C2orf69: variants seen among roughly 807,000 people sequenced by gnomAD.
The protein encoded by C2orf69 is mitochondrial protein C2orf69.
Under a neutral mutation model 29.5 loss-of-function variants are expected in C2orf69, and 19 were observed. The ratio of observed to expected loss-of-function variants is 0.65; its 90% CI spans 0.45 to 0.95. The LOEUF (loss-of-function observed/expected upper bound fraction) is 0.95, where lower values mean the gene tolerates loss of function less well. Among genes scored for constraint, C2orf69 ranks in the 40% least tolerant of loss-of-function variants. The pLI is 0.00. For missense variants in C2orf69, 416 were observed against 482.1 expected, an observed-to-expected ratio of 0.86 and a Z score of 1.28; for synonymous variants, 194 against 180.0, an observed-to-expected ratio of 1.08 and a Z score of -0.62.
intron 1 of C2orf69, among the ~76,000 whole-genome samples, chr2:199,914,542 C>G (rs570599853): frequency 6.6e-6 from 1 of 152,134 alleles, no homozygotes; most frequent in African/African-American, 2.4e-5. Context: ...CACGTCTGCT[C>G]AAAACTGTGC....
In C2orf69 at chr2:199,911,662, C is replaced by A. The variant is rs759538791; in HGVS notation, c.224C>A (p.Ala75Glu). 15 of 1,548,344 alleles carry A rather than the reference C, an allele frequency of 9.7e-6. No homozygotes were observed. The highest frequency in any genetic ancestry group is 1.2e-5 in the Non-Finnish European group (14 of 1,146,638). The change falls in exon 1 of 2, where the codon GCG becomes GAG. Residue 75 changes from alanine to glutamate, a missense_variant. Physicochemically the swap from Ala to Glu is moderately radical, Grantham distance 107 (BLOSUM62 -1). Around this residue, in one of 4 missense-constraint regions of C2orf69, gnomAD observed 175 missense variants for 139.9 expected, o/e 1.25. Coordinates refer to ENST00000319974, the MANE Select transcript of C2orf69 (RefSeq NM_153689.6). ...PQRSNELLLL[A>E]AAGEGLERQD... ...CGCAGCAACGAATTGCTCCTGTTGG[C>A]GGCGGCCGGGGAGGGACTGGAGCGG...
intron 1 of C2orf69, among the ~76,000 whole-genome samples, chr2:199,920,007 A>C (rs749209174): frequency 1.3e-5 from 2 of 152,196 alleles, no homozygotes; most frequent in African/African-American, 2.4e-5. Context: ...AGTAGTAGGC[A>C]TTCTTTAAAC....
rs1032345150 is a variant in C2orf69, at chr2:199,925,949, A to G, written c.*63A>G. 9.3e-7 allele frequency: 1 copy of G among 1,077,524 alleles called. No homozygotes were observed. Among genetic ancestry groups the G allele is most frequent in the Non-Finnish European group, 1.3e-6 (1 of 742,656 alleles). 66.7% of individuals were successfully genotyped at this position (1,077,524 alleles called of 1,614,324 possible). A position where few individuals can be genotyped will look rare whatever the true frequency, so the allele number is the denominator to read the frequency against. On this transcript the variant is annotated 3_prime_UTR_variant, in exon 2 of 2. Transcript: ENST00000319974. The surrounding 1 kb of genome is among the most constrained non-coding windows in gnomAD (Gnocchi z 4.9). ...ACATAAGCACTTTTGAGTGTTATAA[A>G]TTCAGATAATGGGATGTAATTCATA... is the stretch of plus-strand genomic sequence containing the variant.
chr2:199,913,834 T>C (rs1221885254), intron 1 of C2orf69, among the ~76,000 whole-genome samples: 2 of 152,064 alleles, frequency 1.3e-5, no homozygotes. Context: ...ATTACATTTA[T>C]TGAGCACCTC....
rs370430093 is a variant in C2orf69, at chr2:199,922,031, TTATATA to T, written c.334-3013_334-3008del. 2.9e-4 allele frequency among the ~76,000 whole-genome samples: 23 copies of T among 78,970 alleles called. 3 individuals carry two copies. The highest frequency in any genetic ancestry group is 8.2e-4 in the Admixed American group (4 of 4,866). 51.8% of individuals were successfully genotyped at this position (78,970 alleles called of 152,430 possible). On this transcript the variant is annotated intron_variant, in intron 1 of 1. Coordinates refer to ENST00000319974, the MANE Select transcript of C2orf69 (RefSeq NM_153689.6). ...TTCCCCAAGGCTGCCACTGTTATTT[TTATATA>T]TATATATATATATATATGCTTCCAG... is the stretch of plus-strand genomic sequence containing the variant.
In C2orf69 at chr2:199,925,441, G is replaced by A; in HGVS notation, c.713G>A (p.Cys238Tyr). ...NGCQGEKVRT[C>Y]EKSDESAMSF... ...TGCCAGGGAGAAAAAGTGAGGACCT[G>A]TGAAAAATCTGATGAGTCTGCCATG... Residue 238 changes from cysteine to tyrosine, a missense_variant, in exon 2 of 2, where the codon TGT becomes TAT. Physicochemically the swap from Cys to Tyr is radical, Grantham distance 194 (BLOSUM62 -2). Coordinates refer to ENST00000319974, the MANE Select transcript of C2orf69 (RefSeq NM_153689.6). The surrounding 1 kb of genome is among the most constrained non-coding windows in gnomAD (Gnocchi z 4.9). The A allele has an allele frequency of 1.9e-6, 3 of 1,613,812 alleles. No individual in the cohort carries two copies. Among genetic ancestry groups the A allele is most frequent in the Non-Finnish European group, 2.5e-6 (3 of 1,179,858 alleles).
At chr2:199,913,446 T>A (rs1478721829) in intron 1 of C2orf69, among the ~76,000 whole-genome samples, 1 of 102,090 alleles carries the variant, frequency 9.8e-6, no homozygotes, top group Non-Finnish European at 1.8e-5. Context: ...TTATATAAAA[T>A]ATATATTCTA....
chr2:199,915,898 C>G (rs142544658), intron 1 of C2orf69, among the ~76,000 whole-genome samples: 29 of 152,264 alleles, frequency 1.9e-4, no homozygotes, highest in African/African-American at 6.7e-4. Context: ...TTTAAGTCCT[C>G]TTAATTCCTA....
rs1449161394 is a variant in C2orf69, at chr2:199,926,055, T to C, written c.*169T>C. 1.8e-6 allele frequency: 1 copy of C among 560,374 alleles called. No homozygotes were observed. The highest frequency in any genetic ancestry group is 3.2e-6 in the Non-Finnish European group (1 of 316,174). 34.7% of individuals were successfully genotyped at this position (560,374 alleles called of 1,614,324 possible). On this transcript the variant is annotated 3_prime_UTR_variant, in exon 2 of 2. Coordinates refer to ENST00000319974, the MANE Select transcript of C2orf69 (RefSeq NM_153689.6). ...GTAATGTGCAATAGTATTTTTTGCT[T>C]GTGAATGTGAGCAGTTATTAATTTG... is the stretch of plus-strand genomic sequence containing the variant.
Position 199,925,039 on chromosome 2 carries a change from A to T in C2orf69, c.334-23A>T, listed in dbSNP as rs759186973. 2.2e-6 allele frequency: 3 copies of T among 1,383,448 alleles called. No individual in the cohort carries two copies. In the South Asian group the frequency reaches 3.7e-5, roughly 17 times the overall value. The allele number at this position is 1,383,448 out of a possible 1,614,324, so 85.7% of individuals were successfully genotyped here. ...TTATGTAAATATGTATTTAATACTT[A>T]TTTCATCTTTCTTACCTTTCAGAAT... is the stretch of plus-strand genomic sequence containing the variant. On this transcript the variant is annotated intron_variant, in intron 1 of 1. Transcript: ENST00000319974. This position sits in a 1 kb window ranked among gnomAD's most constrained non-coding sequence, Gnocchi z 4.9.
chr2:199,911,698 C>G lies in C2orf69; in HGVS notation c.260C>G (p.Pro87Arg), dbSNP rs2077261853. ...AGEGLERQDLPGDPAKEEPQP... is the reference protein window; with the variant it reads ...AGEGLERQDLRGDPAKEEPQP... ...GAGGGACTGGAGCGGCAGGACCTCCCCGGGGACCCAGCGAAGGAGGAGCCG... is the reference window on the plus strand; with the variant it reads ...GAGGGACTGGAGCGGCAGGACCTCCGCGGGGACCCAGCGAAGGAGGAGCCG... Residue 87 changes from proline to arginine, a missense_variant, in exon 1 of 2, where the codon CCC (proline) becomes CGC (arginine). Around this residue, in one of 4 missense-constraint regions of C2orf69, gnomAD observed 175 missense variants for 139.9 expected, o/e 1.25. Transcript: ENST00000319974. 1.3e-6 allele frequency: 2 copies of G among 1,546,132 alleles called. No homozygotes were observed. Among genetic ancestry groups the G allele is most frequent in the East Asian group, 4.9e-5 (2 of 40,892 alleles).
chr2:199,913,591 T>C (rs1399403865), intron 1 of C2orf69, among the ~76,000 whole-genome samples: 1 of 137,198 alleles, frequency 7.3e-6, no homozygotes, highest in Admixed American at 8.4e-5. Flanking sequence ...TCTTTTGCCC[T>C]CAAAATAATT....
intron 1 of C2orf69, among the ~76,000 whole-genome samples, chr2:199,912,228 A>C (rs1273112061): frequency 6.6e-6 from 1 of 151,728 alleles, no homozygotes; most frequent in Non-Finnish European, 1.5e-5. Context: ...TATGACATCC[A>C]GTAACCCTAA....
At chr2:199,912,842 T>C (rs2106636308) in intron 1 of C2orf69, among the ~76,000 whole-genome samples, 1 of 152,166 alleles carries the variant, frequency 6.6e-6, no homozygotes, top group South Asian at 2.1e-4. Context: ...GGTTCCACCA[T>C]GTTGGACAGG....
Position 199,925,851 on chromosome 2 carries a change from A to T in C2orf69, c.1123A>T (p.Ile375Leu), listed in dbSNP as rs1182114225. The change falls in exon 2 of 2, where the codon ATA (isoleucine) becomes TTA (leucine). Residue 375 changes from isoleucine (I) to leucine (L), a missense_variant. Ile to Leu is a conservative substitution (Grantham distance 5). This residue lies in a region of C2orf69 where 14 missense variants were observed against 16.6 expected (regional missense o/e 0.84). Transcript: ENST00000319974. The surrounding 1 kb of genome is among the most constrained non-coding windows in gnomAD (Gnocchi z 4.9). ...QIHFTKEAPS[I>L]ENHFRVHEVF ...TCATTTTACAAAGGAAGCTCCTTCC[A>T]TAGAGAATCACTTCAGGGTTCATGA... 6.2e-7 allele frequency: 1 copy of T among 1,613,312 alleles called. No individual in the cohort carries two copies. Among genetic ancestry groups the T allele is most frequent in the Admixed American group, 1.7e-5 (1 of 59,934 alleles).
intron 1 of C2orf69, among the ~76,000 whole-genome samples, chr2:199,920,355 T>C (rs2077310956): frequency 6.6e-6 from 1 of 152,174 alleles, no homozygotes; most frequent in African/African-American, 2.4e-5. Flanking sequence ...ATACAGTTCC[T>C]TAGAATAAGC....
chr2:199,918,320 T>C (rs1339257889), intron 1 of C2orf69, among the ~76,000 whole-genome samples: 1 of 152,212 alleles, frequency 6.6e-6, no homozygotes, highest in Non-Finnish European at 1.5e-5. Flanking sequence ...CTTGGGTATA[T>C]AATTATATGT....
In C2orf69 at chr2:199,925,588, A is replaced by G; in HGVS notation, c.860A>G (p.Asp287Gly). 6.2e-7 allele frequency: 1 copy of G among 1,613,956 alleles called. No homozygotes were observed. Among genetic ancestry groups the G allele is most frequent in the Non-Finnish European group, 8.5e-7 (1 of 1,179,854 alleles). ...GAAGCCAAGAAAGACAAGAACATAGATGCTTTTATCAAAAGCATAAGAACA... is the reference window on the plus strand; with the variant it reads ...GAAGCCAAGAAAGACAAGAACATAGGTGCTTTTATCAAAAGCATAAGAACA... ...LKEAKKDKNI[D>G]AFIKSIRTMY... is the part of the protein sequence containing the mutation. The change falls in exon 2 of 2, where the codon GAT (aspartate) becomes GGT (glycine). Residue 287 changes from aspartate to glycine, a missense_variant. Coordinates refer to ENST00000319974, the MANE Select transcript of C2orf69 (RefSeq NM_153689.6). This position sits in a 1 kb window ranked among gnomAD's most constrained non-coding sequence, Gnocchi z 4.9.
chr2:199,919,690 T>G (rs1048408729), intron 1 of C2orf69, among the ~76,000 whole-genome samples: 1 of 152,200 alleles, frequency 6.6e-6, no homozygotes, highest in Non-Finnish European at 1.5e-5. Flanking sequence ...TTCATCCTTT[T>G]ATCAAGAACC....
Sources: allele counts gnomAD v4.1 joint callset (sites outside exome capture counted in the v4.1 genomes callset), GRCh38; gene constraint gnomAD v4.1.1; regional missense constraint gnomAD v4.1.1; non-coding constraint Gnocchi (gnomAD v3.1); transcripts MANE v1.5; gene names NCBI Gene and HGNC (gene_info 2026-07-23, HGNC 2026-07-21).